Variants in MTHFD2L observed in about 807,000 individuals in gnomAD.
MTHFD2L encodes the protein bifunctional methylenetetrahydrofolate dehydrogenase/cyclohydrolase 2, mitochondrial.
Under a neutral mutation model 34.9 loss-of-function variants are expected in MTHFD2L, and 29 were observed. The ratio of observed to expected loss-of-function variants is 0.83; its 90% CI spans 0.62 to 1.13. MTHFD2L has a LOEUF of 1.13. Among genes scored for constraint, MTHFD2L ranks in the 50% most tolerant of loss-of-function variants. The pLI is 0.00. For missense variants in MTHFD2L, 481 were observed against 446.5 expected, an observed-to-expected ratio of 1.08 and a Z score of -0.70; for synonymous variants, 167 against 155.7, an observed-to-expected ratio of 1.07 and a Z score of -0.54.
At chr4:74,291,343 A>G (rs2110309524) in intron 7 of MTHFD2L, among the ~76,000 whole-genome samples, 1 of 152,020 alleles carries the variant, frequency 6.6e-6, no homozygotes, top group Admixed American at 6.6e-5. Context: ...GTCCCACACC[A>G]AATTTCAGCC....
intron 7 of MTHFD2L, among the ~76,000 whole-genome samples, chr4:74,292,137 C>T (rs1417356592): frequency 6.6e-6 from 1 of 152,158 alleles, no homozygotes; most frequent in Admixed American, 6.5e-5. Context: ...CTATGAGATT[C>T]CTATCATTAG....
At chr4:74,221,925 C>T (rs530675695) in intron 5 of MTHFD2L, among the ~76,000 whole-genome samples, 7 of 151,760 alleles carry the variant, frequency 4.6e-5, no homozygotes, top group African/African-American at 1.7e-4. Flanking sequence ...TACTGATACT[C>T]TAGTACAATA....
intron 1 of MTHFD2L, chr4:74,160,114 G>A: frequency 1.6e-6 from 2 of 1,287,198 alleles, no homozygotes; most frequent in African/African-American, 3.0e-5. Context: ...CTCCCCACTT[G>A]TCCCCATCCA....
chr4:74,125,919 G>T (rs526993), intron 1 of MTHFD2L, among the ~76,000 whole-genome samples: 1 of 152,040 alleles, frequency 6.6e-6, no homozygotes, highest in East Asian at 1.9e-4. Context: ...AACAAAACTC[G>T]AAGTGAATAA....
Position 74,192,254 on chromosome 4 carries a change from C to T in MTHFD2L, c.452-7540C>T, listed in dbSNP as rs116486415. Among the ~76,000 whole-genome samples, 734 of 152,160 alleles carry T rather than the reference C, an allele frequency of 4.8e-3. 9 individuals carry two copies. Among genetic ancestry groups the T allele is most frequent in the African/African-American group, 0.017 (711 of 41,494 alleles). ...AGGTTGTATTTTTATCTGACCGCCT[C>T]CCAACATATTGTTATAAAAAATTCA... is the stretch of plus-strand genomic sequence containing the variant. On this transcript the variant is annotated intron_variant, in intron 3 of 7. Coordinates refer to ENST00000325278, the MANE Select transcript of MTHFD2L (RefSeq NM_001144978.3).
At chr4:74,182,005 A>G (rs991674504) in intron 3 of MTHFD2L, among the ~76,000 whole-genome samples, 1 of 152,162 alleles carries the variant, frequency 6.6e-6, no homozygotes, top group Non-Finnish European at 1.5e-5. Context: ...ACTGATTATT[A>G]TTAAAATGTT....
At chr4:74,146,054 T>C (rs1723575034) in intron 1 of MTHFD2L, among the ~76,000 whole-genome samples, 1 of 152,150 alleles carries the variant, frequency 6.6e-6, no homozygotes, top group Non-Finnish European at 1.5e-5. Flanking sequence ...AAAAGACACA[T>C]ATTTCATAGA....
At chr4:74,193,808 T>G (rs1732999996) in intron 3 of MTHFD2L, among the ~76,000 whole-genome samples, 1 of 152,308 alleles carries the variant, frequency 6.6e-6, no homozygotes, top group Admixed American at 6.5e-5. Flanking sequence ...CTATTAATTG[T>G]TTTATAAATT....
intron 7 of MTHFD2L, among the ~76,000 whole-genome samples, chr4:74,294,988 ACTTT>A (rs1445127793): frequency 6.6e-6 from 1 of 152,114 alleles, no homozygotes; most frequent in African/African-American, 2.4e-5. Context: ...CTCCTTCACT[ACTTT>A]CTTCTAAAAT....
intron 4 of MTHFD2L, among the ~76,000 whole-genome samples, chr4:74,200,247 G>A (rs1249815904): frequency 1.3e-5 from 2 of 152,028 alleles, no homozygotes; most frequent in East Asian, 1.9e-4. Flanking sequence ...GGGAGGCGGA[G>A]CTTGCAGTGA....
intron 1 of MTHFD2L, among the ~76,000 whole-genome samples, chr4:74,146,270 T>C (rs1180903338): frequency 3.3e-5 from 5 of 152,178 alleles, no homozygotes; most frequent in Non-Finnish European, 7.4e-5. Context: ...TCTAAGATAT[T>C]ATCAGACAAG....
At chr4:74,275,679 G>C (rs1034780112) in intron 6 of MTHFD2L, among the ~76,000 whole-genome samples, 1 of 150,980 alleles carries the variant, frequency 6.6e-6, no homozygotes, top group Non-Finnish European at 1.5e-5. Flanking sequence ...TTTGATTTGC[G>C]TTTCTCTAAT....
intron 5 of MTHFD2L, among the ~76,000 whole-genome samples, chr4:74,211,774 T>C (rs1003114839): frequency 6.6e-6 from 1 of 152,178 alleles, no homozygotes; most frequent in Non-Finnish European, 1.5e-5. Context: ...AGCTGCTCTT[T>C]GTACTTATGG....
chr4:74,139,228 T>C (rs1723138883), intron 1 of MTHFD2L, among the ~76,000 whole-genome samples: 1 of 152,164 alleles, frequency 6.6e-6, no homozygotes, highest in African/African-American at 2.4e-5. Flanking sequence ...AGAAAAAGAT[T>C]AGGAGGACCT....
chr4:74,266,635 T>C (rs1247879290), intron 6 of MTHFD2L, among the ~76,000 whole-genome samples: 1 of 152,156 alleles, frequency 6.6e-6, no homozygotes, highest in Non-Finnish European at 1.5e-5. Context: ...CTTCTCCAAC[T>C]CTCCTGACTT....
intron 1 of MTHFD2L, chr4:74,161,444 G>A (rs542038036): frequency 1.3e-5 from 2 of 152,220 alleles, no homozygotes; most frequent in African/African-American, 2.4e-5. Context: ...TGCTGTATGT[G>A]TTCTACTGAA....
At chr4:74,213,748 G>T (rs1736725948) in intron 5 of MTHFD2L, among the ~76,000 whole-genome samples, 1 of 152,046 alleles carries the variant, frequency 6.6e-6, no homozygotes, top group Admixed American at 6.6e-5. Flanking sequence ...TTTGAATGTT[G>T]GCCTGTCTTG....
chr4:74,171,653 A>G (rs1341855660), intron 1 of MTHFD2L, among the ~76,000 whole-genome samples: 2 of 152,086 alleles, frequency 1.3e-5, no homozygotes, highest in Non-Finnish European at 2.9e-5. Flanking sequence ...ATATACAAAA[A>G]TTAGTCAGGC....
intron 1 of MTHFD2L, among the ~76,000 whole-genome samples, chr4:74,169,370 G>A (rs1006831293): frequency 6.6e-6 from 1 of 152,148 alleles, no homozygotes; most frequent in Non-Finnish European, 1.5e-5. Context: ...GACATAATTA[G>A]CCTAGATTAT....
Sources: allele counts gnomAD v4.1 joint callset (sites outside exome capture counted in the v4.1 genomes callset), GRCh38; gene constraint gnomAD v4.1.1; transcripts MANE v1.5; gene names NCBI Gene and HGNC (gene_info 2026-07-23, HGNC 2026-07-21).